The following SLC35F3 variants were observed in gnomAD, a reference collection of about 807,000 sequenced individuals.
SLC35F3 encodes the protein solute carrier family 35 member F3, also known as putative thiamine transporter SLC35F3.
In SLC35F3, 25 loss-of-function variants were observed where a neutral mutation model predicts 49.9. That is an observed-to-expected ratio of 0.50 (90% CI 0.37 to 0.70). SLC35F3 has a LOEUF of 0.70. Ranked by LOEUF, SLC35F3 falls within the 30% of genes least tolerant of loss-of-function variation. SLC35F3 has a pLI of 0.00. For synonymous variants in SLC35F3, 275 were observed against 265.4 expected (o/e 1.04, Z -0.35); for missense variants, 525 against 639.8 (o/e 0.82, Z 1.94).
chr1:234,174,104 C>A (rs144073371), intron 2 of SLC35F3, among the ~76,000 whole-genome samples: 38 of 152,204 alleles, frequency 2.5e-4, no homozygotes, highest in African/African-American at 8.9e-4. Flanking sequence ...TGTGTTCCTG[C>A]GGCATGGTGC....
intron 2 of SLC35F3, among the ~76,000 whole-genome samples, chr1:233,926,468 A>G (rs572851570): frequency 6.6e-6 from 1 of 152,174 alleles, no homozygotes; most frequent in African/African-American, 2.4e-5. Context: ...CTCATGCCAT[A>G]GTTTTCATTT....
At chr1:234,104,859 G>C (rs1399677048) in intron 2 of SLC35F3, among the ~76,000 whole-genome samples, 1 of 152,178 alleles carries the variant, frequency 6.6e-6, no homozygotes. Flanking sequence ...GGCTGGGCAC[G>C]GTGGCTTATG....
chr1:234,238,860 G>A (rs1667513812), intron 3 of SLC35F3, among the ~76,000 whole-genome samples: 1 of 152,140 alleles, frequency 6.6e-6, no homozygotes, highest in South Asian at 2.1e-4. Context: ...TCAAGGATAT[G>A]GCTTTGAAGT....
At chr1:233,936,883 G>A (rs534465018) in intron 2 of SLC35F3, among the ~76,000 whole-genome samples, 1 of 152,168 alleles carries the variant, frequency 6.6e-6, no homozygotes, top group African/African-American at 2.4e-5. Flanking sequence ...GTAGAGACGG[G>A]GCCTCCTTGT....
chr1:234,261,529 G>A (rs1386410797), intron 3 of SLC35F3, among the ~76,000 whole-genome samples: 2 of 152,174 alleles, frequency 1.3e-5, no homozygotes, highest in African/African-American at 2.4e-5. Flanking sequence ...AATGAGCAGT[G>A]AGGATGATCA....
At chr1:234,029,306 AT>A (rs1317729185) in intron 2 of SLC35F3, among the ~76,000 whole-genome samples, 2 of 152,192 alleles carry the variant, frequency 1.3e-5, no homozygotes, top group Non-Finnish European at 2.9e-5. Context: ...AGCTAAAGCA[AT>A]TCATCAAATG....
intron 2 of SLC35F3, among the ~76,000 whole-genome samples, chr1:234,161,677 G>A (rs1316528277): frequency 6.6e-6 from 1 of 152,162 alleles, no homozygotes; most frequent in Non-Finnish European, 1.5e-5. Context: ...GTGGTGGCAT[G>A]CACCTGTTGT....
intron 2 of SLC35F3, among the ~76,000 whole-genome samples, chr1:233,998,888 ATATTTTGCAAG>A (rs1259079250): frequency 6.6e-6 from 1 of 152,190 alleles, no homozygotes; most frequent in Non-Finnish European, 1.5e-5. Context: ...ACTTTAATAA[ATATTTTGCAAG>A]TATCAGCCTC....
At chr1:234,289,361 A>G (rs1668471794) in intron 3 of SLC35F3, among the ~76,000 whole-genome samples, 1 of 152,224 alleles carries the variant, frequency 6.6e-6, no homozygotes. Flanking sequence ...GCCAGAAATG[A>G]AGAACCAAAC....
intron 2 of SLC35F3, among the ~76,000 whole-genome samples, chr1:233,928,705 A>G (rs953840256): frequency 6.6e-6 from 1 of 152,202 alleles, no homozygotes; most frequent in Non-Finnish European, 1.5e-5. Flanking sequence ...GTCTTGACTT[A>G]CAAAAGGAAT....
At chr1:234,139,960 A>AAAATAAAATAAAATAAAATAAAATAAAAT (rs1665870424) in intron 2 of SLC35F3, among the ~76,000 whole-genome samples, 11 of 128,608 alleles carry the variant, frequency 8.6e-5, no homozygotes, top group Admixed American at 1.5e-4. Flanking sequence ...ATAATAAAAT[A>AAAATAAAATAAAATAAAATAAAATAAAAT]AAATAAAATA....
At chr1:233,960,375 C>T (rs995460368) in intron 2 of SLC35F3, among the ~76,000 whole-genome samples, 1 of 152,180 alleles carries the variant, frequency 6.6e-6, no homozygotes, top group Non-Finnish European at 1.5e-5. Context: ...CTCCGTTATC[C>T]TCCAATACAA....
chr1:233,910,371 G>C (rs72751789), intron 2 of SLC35F3, among the ~76,000 whole-genome samples: 4,615 of 152,322 alleles, frequency 0.03, 137 homozygotes, highest in East Asian at 0.14. Flanking sequence ...AGGAATGATT[G>C]AAGGAACATA....
rs373073995 is a variant in SLC35F3, at chr1:234,224,052, T to G, written c.284-7365T>G. 4.0e-3 allele frequency among the ~76,000 whole-genome samples: 604 copies of G among 150,398 alleles called. 5 individuals are homozygous for G. The highest frequency in any genetic ancestry group is 0.014 in the African/African-American group (573 of 40,464). ...TGACCTCATTTAACCTTTTTCGGTT[T>G]TTTGTTTGTTTGTTTGTTTGTTTGT... On this transcript the variant is annotated intron_variant, in intron 2 of 7. Coordinates refer to ENST00000366618, the MANE Select transcript of SLC35F3 (RefSeq NM_173508.4).
intron 2 of SLC35F3, among the ~76,000 whole-genome samples, chr1:234,198,923 C>A (rs1666855813): frequency 6.6e-6 from 1 of 152,020 alleles, no homozygotes; most frequent in Non-Finnish European, 1.5e-5. Context: ...CTATTGTAAT[C>A]AAAACAGCAT....
rs76932836 is a variant in SLC35F3 at position 233,999,916 on chromosome 1, C to T, written c.283+94158C>T. The stretch of plus-strand genomic sequence containing the variant: ...TAACAAGTGAATAAATAAATGAAAA[C>T]ATTTCAACATTTAGGATATGATTTC... On this transcript the variant is annotated intron_variant, in intron 2 of 7. Coordinates refer to ENST00000366618, the MANE Select transcript of SLC35F3 (RefSeq NM_173508.4). Among the ~76,000 whole-genome samples the T allele has an allele frequency of 8.8e-3, 1,346 of 152,186 alleles. 7 individuals carry two copies. The highest frequency in any genetic ancestry group is 0.027 in the Middle Eastern group (8 of 294).
chr1:234,005,286 A>G (rs994259775), intron 2 of SLC35F3, among the ~76,000 whole-genome samples: 1 of 152,118 alleles, frequency 6.6e-6, no homozygotes, highest in Non-Finnish European at 1.5e-5. Flanking sequence ...TTTTTTCCTT[A>G]ATTTTAATCT....
intron 2 of SLC35F3, among the ~76,000 whole-genome samples, chr1:233,973,733 C>G (rs1194902749): frequency 6.6e-6 from 1 of 152,198 alleles, no homozygotes; most frequent in South Asian, 2.1e-4. Context: ...CACAAATGCA[C>G]GTGGTCACAT....
At chr1:234,006,162 G>A (rs1663627590) in intron 2 of SLC35F3, among the ~76,000 whole-genome samples, 1 of 152,100 alleles carries the variant, frequency 6.6e-6, no homozygotes, top group Non-Finnish European at 1.5e-5. Context: ...GCTGGAGGCT[G>A]GGAACAGTGA....
Sources: allele counts gnomAD v4.1 joint callset (sites outside exome capture counted in the v4.1 genomes callset), GRCh38; gene constraint gnomAD v4.1.1; transcripts MANE v1.5; gene names NCBI Gene and HGNC (gene_info 2026-07-23, HGNC 2026-07-21).